The following DIP2B variants were observed in gnomAD, a reference collection of about 807,000 sequenced individuals.
DIP2B encodes disco-interacting protein 2 homolog B.
Under a neutral mutation model 198.0 loss-of-function variants are expected in DIP2B, and 76 were observed. That is an observed-to-expected ratio of 0.38 (90% CI 0.32 to 0.46). The LOEUF is 0.46. Among genes scored for constraint, DIP2B ranks in the 20% least tolerant of loss-of-function variants. The pLI, the probability that DIP2B is intolerant of heterozygous loss-of-function variation, is 0.99. For missense variants in DIP2B, 1,559 were observed against 1,978.4 expected, an observed-to-expected ratio of 0.79 and a Z score of 4.02; for synonymous variants, 701 against 739.1, an observed-to-expected ratio of 0.95 and a Z score of 0.84.
At chr12:50,561,465 T>C (rs769696739) in intron 1 of DIP2B, among the ~76,000 whole-genome samples, 37 of 152,296 alleles carry the variant, frequency 2.4e-4, no homozygotes, top group Non-Finnish European at 4.6e-4. Flanking sequence ...AAATCTGTCT[T>C]AGGGCTTCTG....
At chr12:50,660,795 A>G (rs1938632063) in intron 4 of DIP2B, among the ~76,000 whole-genome samples, 1 of 152,206 alleles carries the variant, frequency 6.6e-6, no homozygotes, top group South Asian at 2.1e-4. Flanking sequence ...TGGAAGAGCA[A>G]TCATGCAAAG....
chr12:50,559,276 T>C (rs1248473185), intron 1 of DIP2B, among the ~76,000 whole-genome samples: 3 of 151,524 alleles, frequency 2.0e-5, no homozygotes, highest in Non-Finnish European at 4.4e-5. Flanking sequence ...TAGTAGTTAA[T>C]CTTCACAGAA....
chr12:50,592,452 G>A (rs548151425), intron 1 of DIP2B, among the ~76,000 whole-genome samples: 2 of 152,050 alleles, frequency 1.3e-5, no homozygotes, highest in African/African-American at 2.4e-5. Flanking sequence ...CCACTGCGCC[G>A]GGCCTTAACT....
intron 3 of DIP2B, among the ~76,000 whole-genome samples, chr12:50,648,284 C>T (rs1938385767): frequency 6.6e-6 from 1 of 152,152 alleles, no homozygotes; most frequent in Non-Finnish European, 1.5e-5. Flanking sequence ...TGAGGTTGGA[C>T]ATTTGGAGAT....
rs994553868 is a variant in DIP2B at position 50,527,099 on chromosome 12, C to T, written c.100+21859C>T. 8.0e-4 allele frequency among the ~76,000 whole-genome samples: 122 copies of T among 152,188 alleles called. 1 individual carries two copies. Among genetic ancestry groups the T allele is most frequent in the African/African-American group, 2.7e-3 (111 of 41,438 alleles). On this transcript the variant is annotated intron_variant, in intron 1 of 37. Transcript: ENST00000301180. The stretch of plus-strand genomic sequence containing the variant: ...GGAAAAAAACTGAATATTTCACATG[C>T]CTGGTTTTTCAACGTCTTTTCTTGG...
intron 1 of DIP2B, among the ~76,000 whole-genome samples, chr12:50,583,476 C>G (rs1331205909): frequency 6.6e-6 from 1 of 152,192 alleles, no homozygotes; most frequent in East Asian, 1.9e-4. Flanking sequence ...CCTCCCCCAT[C>G]TGCAGGTGCT....
At chr12:50,664,395 C>T (rs1261462521) in intron 4 of DIP2B, among the ~76,000 whole-genome samples, 2 of 152,176 alleles carry the variant, frequency 1.3e-5, no homozygotes, top group Non-Finnish European at 2.9e-5. Flanking sequence ...TTTAAATTCT[C>T]TAAATTGGTA....
intron 22 of DIP2B, among the ~76,000 whole-genome samples, chr12:50,709,341 T>C (rs1010710235): frequency 1.3e-5 from 2 of 152,136 alleles, no homozygotes; most frequent in Non-Finnish European, 2.9e-5. Context: ...TTCTAAATTA[T>C]CCAGGCATAG....
chr12:50,582,484 G>A (rs1366747736), intron 1 of DIP2B, among the ~76,000 whole-genome samples: 3 of 152,138 alleles, frequency 2.0e-5, no homozygotes, highest in Non-Finnish European at 1.5e-5. Flanking sequence ...TATTAAGGAA[G>A]CAGAGTAGAA....
At chr12:50,557,556 A>G (rs1958482195) in intron 1 of DIP2B, among the ~76,000 whole-genome samples, 1 of 152,202 alleles carries the variant, frequency 6.6e-6, no homozygotes, top group Non-Finnish European at 1.5e-5. Context: ...GACATCTACA[A>G]AGAGTGGATG....
intron 11 of DIP2B, 134 bp downstream of exon 11, chr12:50,686,090 C>A: frequency 2.1e-6 from 2 of 954,580 alleles, no homozygotes; most frequent in Non-Finnish European, 2.9e-6. Flanking sequence ...AAGTAGGTAC[C>A]ATTATTATCC....
At position 50,674,459 on chromosome 12, in the gene DIP2B, GT is replaced by G; in HGVS notation, c.641-11del. ...TGCTGCTAATATAATTCTAAACTTT[GT>G]TTTCTCCTCTCAGAGAATTTCTCTG... On this transcript the variant is annotated splice_polypyrimidine_tract_variant and intron_variant, in intron 5 of 37. Coordinates refer to ENST00000301180, the MANE Select transcript of DIP2B (RefSeq NM_173602.3). 1 of 1,613,998 alleles carries G rather than the reference GT, an allele frequency of 6.2e-7. No individual in the cohort carries two copies. The highest frequency in any genetic ancestry group is 2.2e-5 in the East Asian group (1 of 44,876).
intron 1 of DIP2B, among the ~76,000 whole-genome samples, chr12:50,532,023 G>T (rs1005030269): frequency 6.6e-6 from 1 of 152,194 alleles, no homozygotes; most frequent in African/African-American, 2.4e-5. Context: ...GATGGAACGA[G>T]GTCTCCCTGA....
chr12:50,741,723 A>G (rs1168868995), intron 37 of DIP2B, among the ~76,000 whole-genome samples, 184 bp downstream of exon 37: 2 of 152,190 alleles, frequency 1.3e-5, no homozygotes, highest in Admixed American at 6.5e-5. Context: ...AAGCCTATCC[A>G]CAGGAGCCAG....
At chr12:50,708,101 C>T (rs1041654865) in intron 21 of DIP2B, among the ~76,000 whole-genome samples, 1 of 152,018 alleles carries the variant, frequency 6.6e-6, no homozygotes, top group Non-Finnish European at 1.5e-5. Flanking sequence ...GCCACCCTGC[C>T]CTCAGTAATA....
intron 1 of DIP2B, among the ~76,000 whole-genome samples, chr12:50,548,015 G>A (rs113186061): frequency 1.3e-4 from 20 of 152,282 alleles, no homozygotes; most frequent in African/African-American, 4.8e-4. Flanking sequence ...GCTGCTGTGG[G>A]CTAGGACAGC....
At chr12:50,528,682 G>A (rs1431125156) in intron 1 of DIP2B, among the ~76,000 whole-genome samples, 3 of 152,246 alleles carry the variant, frequency 2.0e-5, no homozygotes, top group Middle Eastern at 3.4e-3. Flanking sequence ...GGCTTAGAGT[G>A]AACAGAGAAG....
At chr12:50,741,615 T>C (rs893760041) in intron 37 of DIP2B, 76 bp downstream of exon 37, 3 of 1,521,864 alleles carry the variant, frequency 2.0e-6, no homozygotes, top group Admixed American at 3.8e-5. Flanking sequence ...TAATTGGTCA[T>C]TGGGACCACA....
rs181990842 is a variant in DIP2B at position 50,650,829 on chromosome 12, T to A, written c.302-9365T>A. ...GTTTATTTGGAGATATATCCAGAAG[T>A]GGAATTGCTTGGTCATATGGTAAAT... On this transcript the variant is annotated intron_variant, in intron 3 of 37. Coordinates refer to ENST00000301180, the MANE Select transcript of DIP2B (RefSeq NM_173602.3). Among the ~76,000 whole-genome samples, 13 of 152,294 alleles carry A rather than the reference T, an allele frequency of 8.5e-5. No individual in the cohort carries two copies. In the East Asian group the frequency reaches 2.5e-3, roughly 29 times the overall value.
Sources: gnomAD v4.1 joint callset for allele counts (sites outside exome capture counted in the v4.1 genomes callset) on GRCh38, gnomAD v4.1.1 for gene constraint, MANE v1.5 for transcripts, NCBI Gene and HGNC (gene_info 2026-07-23, HGNC 2026-07-21) for gene names.